Variants in CSMD3 observed in about 807,000 individuals in gnomAD.
CSMD3 encodes CUB and sushi domain-containing protein 3.
In CSMD3, 177 loss-of-function variants were observed where a neutral mutation model predicts 435.2. That is an observed-to-expected ratio of 0.41 (90% confidence interval 0.36 to 0.46). CSMD3 has a LOEUF of 0.46. Among genes scored for constraint, CSMD3 ranks in the 20% least tolerant of loss-of-function variants. CSMD3 has a pLI of 0.34. For missense variants in CSMD3, 4,265 were observed against 4,504.6 expected, an observed-to-expected ratio of 0.95 and a Z score of 1.52; for synonymous variants, 1,656 against 1,520.5, an observed-to-expected ratio of 1.09 and a Z score of -2.07.
intron 5 of CSMD3, among the ~76,000 whole-genome samples, chr8:113,047,502 ACAAT>A: frequency 6.6e-6 from 1 of 152,352 alleles, no homozygotes; most frequent in Admixed American, 6.5e-5. Flanking sequence ...AATTAACTGA[ACAAT>A]CAGGATTTCT....
chr8:112,498,170 C>T (rs528530672), intron 30 of CSMD3, among the ~76,000 whole-genome samples: 1 of 152,002 alleles, frequency 6.6e-6, no homozygotes, highest in African/African-American at 2.4e-5. Flanking sequence ...CAATTTTTTG[C>T]TTTGTAAAAT....
chr8:112,911,507 T>C lies in CSMD3; in HGVS notation c.1633+10120A>G, dbSNP rs116639297. Among the ~76,000 whole-genome samples, 1,245 of 151,754 alleles carry C rather than the reference T, an allele frequency of 8.2e-3. 16 individuals are homozygous for C. The highest frequency in any genetic ancestry group is 0.029 in the African/African-American group (1,191 of 41,480). ...TCCACATGTAAGTGAGATCATACAA[T>C]GTTTGTCTTTGTGCCTGGCTTATCT... On this transcript the variant is annotated intron_variant, in intron 10 of 70. Coordinates refer to ENST00000297405, the MANE Select transcript of CSMD3 (RefSeq NM_198123.2).
At chr8:113,273,180 C>T (rs1263821166) in intron 3 of CSMD3, among the ~76,000 whole-genome samples, 1 of 151,506 alleles carries the variant, frequency 6.6e-6, no homozygotes, top group Non-Finnish European at 1.5e-5. Context: ...TTAAATAAAA[C>T]ATTTTCTTGA....
At chr8:113,072,961 A>C (rs1214957379) in intron 5 of CSMD3, among the ~76,000 whole-genome samples, 1 of 151,708 alleles carries the variant, frequency 6.6e-6, no homozygotes, top group Admixed American at 6.6e-5. Flanking sequence ...TGATTCTTAC[A>C]ACTCTAAGTC....
At chr8:112,612,050 A>G (rs1833296947) in intron 22 of CSMD3, among the ~76,000 whole-genome samples, 1 of 152,142 alleles carries the variant, frequency 6.6e-6, no homozygotes. Flanking sequence ...TGGTGGGAGT[A>G]CTGTGAATGA....
chr8:112,661,110 G>A (rs1185424654), intron 17 of CSMD3, among the ~76,000 whole-genome samples: 2 of 152,066 alleles, frequency 1.3e-5, no homozygotes, highest in Non-Finnish European at 2.9e-5. Context: ...CTTACTTCTA[G>A]CCTAATTTAA....
chr8:113,264,931 T>G (rs2093457290), intron 3 of CSMD3, among the ~76,000 whole-genome samples: 1 of 151,612 alleles, frequency 6.6e-6, no homozygotes, highest in South Asian at 2.1e-4. Context: ...ATCAGCTGAG[T>G]TTAACAAGCA....
chr8:112,277,110 G>A (rs1818133385), intron 59 of CSMD3, among the ~76,000 whole-genome samples: 1 of 152,162 alleles, frequency 6.6e-6, no homozygotes, highest in East Asian at 1.9e-4. Flanking sequence ...TCTACAGCCA[G>A]CTTGTATTTC....
chr8:113,233,838 C>A (rs956896969), intron 3 of CSMD3, among the ~76,000 whole-genome samples: 4 of 152,026 alleles, frequency 2.6e-5, no homozygotes, highest in African/African-American at 9.7e-5. Flanking sequence ...CTGTTAGCCA[C>A]AATTTGACGG....
At chr8:112,791,527 G>A (rs536282465) in intron 13 of CSMD3, among the ~76,000 whole-genome samples, 1 of 152,070 alleles carries the variant, frequency 6.6e-6, no homozygotes, top group South Asian at 2.1e-4. Flanking sequence ...TCAGCATATT[G>A]ATATTGATTT....
At chr8:112,636,400 C>T (rs2074657829) in intron 22 of CSMD3, among the ~76,000 whole-genome samples, 4 of 151,996 alleles carry the variant, frequency 2.6e-5, no homozygotes, top group Non-Finnish European at 4.4e-5. Flanking sequence ...ATTGTCAAAA[C>T]CTTGGTCAGA....
At chr8:112,852,065 A>C (rs968280365) in intron 11 of CSMD3, among the ~76,000 whole-genome samples, 1 of 152,112 alleles carries the variant, frequency 6.6e-6, no homozygotes, top group Non-Finnish European at 1.5e-5. Context: ...GGTGGGTTTC[A>C]AAGCTCCAGA....
chr8:112,248,220 T>C (rs1320110304), intron 63 of CSMD3, among the ~76,000 whole-genome samples: 1 of 152,118 alleles, frequency 6.6e-6, no homozygotes, highest in African/African-American at 2.4e-5. Flanking sequence ...ATAGAATTTA[T>C]ACTCCACTCC....
At chr8:112,673,948 T>C (rs1370067013) in intron 16 of CSMD3, among the ~76,000 whole-genome samples, 1 of 152,112 alleles carries the variant, frequency 6.6e-6, no homozygotes, top group Non-Finnish European at 1.5e-5. Context: ...CTTTTTTTTT[T>C]TCTAATTACT....
At chr8:112,310,955 C>T (rs2130811949) in intron 50 of CSMD3, 23 bp downstream of exon 50, 1 of 1,602,858 alleles carries the variant, frequency 6.2e-7, no homozygotes. Context: ...TGTTTTTGTT[C>T]ATTTTGGCAT....
chr8:112,743,629 T>G (rs1188255913), intron 13 of CSMD3, among the ~76,000 whole-genome samples: 1 of 151,982 alleles, frequency 6.6e-6, no homozygotes. Flanking sequence ...ATAGCAAAGC[T>G]TTCTCTTTTT....
Position 112,473,071 on chromosome 8 carries a change from C to T in CSMD3, c.5279-364G>A, listed in dbSNP as rs565285907. On this transcript the variant is annotated intron_variant, in intron 31 of 70. Coordinates refer to ENST00000297405, the MANE Select transcript of CSMD3 (RefSeq NM_198123.2). ...GGAAATTGTTTTACTTGCTGGCAGG[C>T]TTTGGAATTCTACTCAGATTCAACA... Among the ~76,000 whole-genome samples, 20 of 152,188 alleles carry T rather than the reference C, an allele frequency of 1.3e-4. 1 individual carries two copies. The South Asian group carries it at 4.1e-3, about 32-fold the overall frequency.
intron 5 of CSMD3, among the ~76,000 whole-genome samples, chr8:113,037,363 A>T (rs936752887): frequency 7.2e-5 from 11 of 152,226 alleles, no homozygotes; most frequent in South Asian, 2.1e-4. Flanking sequence ...ATATATTTTT[A>T]AAAATGTATA....
At chr8:113,146,766 T>C (rs943097847) in intron 4 of CSMD3, among the ~76,000 whole-genome samples, 45 of 151,540 alleles carry the variant, frequency 3.0e-4, no homozygotes, top group Middle Eastern at 3.2e-3. Flanking sequence ...CGAAAACATA[T>C]AGTGGTTTTT....
Sources: gnomAD v4.1 joint callset for allele counts (sites outside exome capture counted in the v4.1 genomes callset) on GRCh38, gnomAD v4.1.1 for gene constraint, MANE v1.5 for transcripts, NCBI Gene and HGNC (gene_info 2026-07-23, HGNC 2026-07-21) for gene names.